Variants in NCKAP5 observed in about 807,000 individuals in gnomAD.
NCKAP5 encodes the protein nck-associated protein 5.
In NCKAP5, 92 loss-of-function variants were observed where a neutral mutation model predicts 167.0. The observed-to-expected ratio is 0.55, with a 90% CI of 0.47 to 0.66. The LOEUF (loss-of-function observed/expected upper bound fraction) is 0.66, where lower values mean the gene tolerates loss of function less well. Among genes scored for constraint, NCKAP5 ranks in the 30% least tolerant of loss-of-function variants. The pLI is 0.00. For synonymous variants in NCKAP5, 891 were observed against 877.4 expected (o/e 1.02, Z -0.27); for missense variants, 2,378 against 2,315.0 (o/e 1.03, Z -0.56).
At chr2:132,885,157 T>C (rs1483829114) in intron 8 of NCKAP5, among the ~76,000 whole-genome samples, 2 of 151,972 alleles carry the variant, frequency 1.3e-5, no homozygotes, top group Non-Finnish European at 2.9e-5. Flanking sequence ...TTTGCATTTA[T>C]TAGAGATTCA....
At chr2:133,365,261 G>A (rs1021187090) in intron 3 of NCKAP5, among the ~76,000 whole-genome samples, 4 of 152,200 alleles carry the variant, frequency 2.6e-5, no homozygotes, top group Admixed American at 1.3e-4. Context: ...AGCAGAGGCT[G>A]AGGGCATCTG....
In NCKAP5 at chr2:132,994,199, A is replaced by G. The variant is rs749662783; in HGVS notation, c.382T>C (p.Ser128Pro). The change falls in exon 7 of 20, where the codon TCT becomes CCT. Residue 128 changes from serine to proline, a missense_variant. Coordinates refer to ENST00000409261, the MANE Select transcript of NCKAP5 (RefSeq NM_207363.3). Reference sequence around the variant, plus strand: ...GTTTCTTCTTTTTTCTGCTCTGGAGATCCTTGACTCTGCAATAGATTTCGT... The same window carrying G: ...GTTTCTTCTTTTTTCTGCTCTGGAGGTCCTTGACTCTGCAATAGATTTCGT... ...TVRNLLQSQGSPEQKKEETVN... is the reference protein window; with the variant it reads ...TVRNLLQSQGPPEQKKEETVN... The G allele has an allele frequency of 4.6e-5, 73 of 1,592,282 alleles. No homozygotes were observed. Among genetic ancestry groups the G allele is most frequent in the Non-Finnish European group, 6.1e-5 (71 of 1,168,484 alleles).
chr2:133,123,171 T>G (rs2082301771), intron 6 of NCKAP5: 1 of 152,364 alleles, frequency 6.6e-6, no homozygotes, highest in Admixed American at 6.5e-5. Context: ...TTAAAAAAAT[T>G]TAAGAAGAAA....
chr2:133,466,727 T>A (rs1435850793), intron 3 of NCKAP5, among the ~76,000 whole-genome samples: 2 of 152,192 alleles, frequency 1.3e-5, no homozygotes, highest in East Asian at 3.9e-4. Context: ...GTCCTTCACA[T>A]CCCTTGTAAG....
the NCKAP5 span, among the ~76,000 whole-genome samples, chr2:133,614,263 G>C: frequency 6.6e-6 from 1 of 152,068 alleles, no homozygotes; most frequent in African/African-American, 2.4e-5. Flanking sequence ...CAGTTCTGTT[G>C]GTGGGGCACT....
chr2:132,790,979 T>A (rs1430887460), intron 12 of NCKAP5, among the ~76,000 whole-genome samples: 1 of 151,922 alleles, frequency 6.6e-6, no homozygotes, highest in African/African-American at 2.4e-5. Context: ...GAAGATAGAG[T>A]CACATCTTTG....
intron 3 of NCKAP5, among the ~76,000 whole-genome samples, chr2:133,420,810 T>C (rs941325507): frequency 4.6e-5 from 7 of 152,156 alleles, no homozygotes; most frequent in African/African-American, 1.7e-4. Context: ...GAGATTAGGC[T>C]GCCTTACCTC....
At chr2:133,389,180 C>T (rs1687222127) in intron 3 of NCKAP5, among the ~76,000 whole-genome samples, 1 of 152,184 alleles carries the variant, frequency 6.6e-6, no homozygotes, top group South Asian at 2.1e-4. Context: ...CTTGGAACTG[C>T]CCCCCACATT....
intron 6 of NCKAP5, among the ~76,000 whole-genome samples, chr2:133,104,094 T>C (rs2081605254): frequency 6.6e-6 from 1 of 151,970 alleles, no homozygotes; most frequent in Non-Finnish European, 1.5e-5. Flanking sequence ...GGTTCTTACC[T>C]TCTTGACCTG....
chr2:133,212,436 C>G (rs1230371191), intron 5 of NCKAP5, among the ~76,000 whole-genome samples: 1 of 152,252 alleles, frequency 6.6e-6, no homozygotes, highest in African/African-American at 2.4e-5. Context: ...GGCACAATCT[C>G]GGCTCGCTGC....
chr2:132,847,544 C>T (rs1216378171), intron 11 of NCKAP5, among the ~76,000 whole-genome samples: 1 of 152,144 alleles, frequency 6.6e-6, no homozygotes, highest in Non-Finnish European at 1.5e-5. Flanking sequence ...CACATATCAT[C>T]GCTTTTGGCA....
intron 4 of NCKAP5, among the ~76,000 whole-genome samples, chr2:133,251,259 A>G (rs1459538034): frequency 6.6e-6 from 1 of 152,166 alleles, no homozygotes; most frequent in Non-Finnish European, 1.5e-5. Flanking sequence ...CGGGGACTTG[A>G]GCATCCATGG....
chr2:133,075,420 A>G (rs1282416785), intron 6 of NCKAP5, among the ~76,000 whole-genome samples: 1 of 152,236 alleles, frequency 6.6e-6, no homozygotes, highest in African/African-American at 2.4e-5. Flanking sequence ...ATGAGGGAAG[A>G]GCAAATGACG....
the NCKAP5 span, among the ~76,000 whole-genome samples, chr2:133,598,491 T>C: frequency 6.6e-6 from 1 of 152,176 alleles, no homozygotes; most frequent in Non-Finnish European, 1.5e-5. Context: ...TCCCAAAAAC[T>C]CACAGCTTGA....
At chr2:133,075,420 A>C (rs1282416785) in intron 6 of NCKAP5, among the ~76,000 whole-genome samples, 1 of 152,236 alleles carries the variant, frequency 6.6e-6, no homozygotes, top group Non-Finnish European at 1.5e-5. Flanking sequence ...ATGAGGGAAG[A>C]GCAAATGACG....
intron 3 of NCKAP5, among the ~76,000 whole-genome samples, chr2:133,490,085 G>C (rs562304309): frequency 1.3e-5 from 2 of 152,140 alleles, no homozygotes; most frequent in East Asian, 1.9e-4. Context: ...AATGGTCAGG[G>C]AACAACCCTT....
In NCKAP5 at chr2:133,184,481, C is replaced by A. The variant is rs528032909; in HGVS notation, c.207+29235G>T. On this transcript the variant is annotated intron_variant, in intron 5 of 19. Transcript: ENST00000409261. ...AATTTATATTCCTTTGGGTGTATAC[C>A]CAGTAATCGGATTGCGGGGTCCAAT... Among the ~76,000 whole-genome samples the A allele has an allele frequency of 4.6e-5, 7 of 152,100 alleles. No homozygotes were observed. In the South Asian group the frequency reaches 1.5e-3, roughly 32 times the overall value.
intron 2 of NCKAP5, among the ~76,000 whole-genome samples, chr2:133,555,698 T>C (rs1449126800): frequency 6.6e-6 from 1 of 152,206 alleles, no homozygotes; most frequent in Non-Finnish European, 1.5e-5. Flanking sequence ...ATTGGTATAA[T>C]CCCCTTGAAA....
At chr2:132,904,565 G>A (rs531697159) in intron 8 of NCKAP5, among the ~76,000 whole-genome samples, 1 of 152,022 alleles carries the variant, frequency 6.6e-6, no homozygotes, top group East Asian at 1.9e-4. Flanking sequence ...ACTTTCTCAG[G>A]GACTTCTAGT....
Sources: gnomAD v4.1 joint callset for allele counts (sites outside exome capture counted in the v4.1 genomes callset) on GRCh38, gnomAD v4.1.1 for gene constraint, MANE v1.5 for transcripts, NCBI Gene and HGNC (gene_info 2026-07-23, HGNC 2026-07-21) for gene names.